Variants in GALNT8 observed in about 807,000 individuals in gnomAD.
The protein encoded by GALNT8 is polypeptide N-acetylgalactosaminyltransferase 8, also known as probable polypeptide N-acetylgalactosaminyltransferase 8.
Under a neutral mutation model 62.7 loss-of-function variants are expected in GALNT8, and 66 were observed. That is an observed-to-expected ratio of 1.05 (90% CI 0.86 to 1.29). The LOEUF (loss-of-function observed/expected upper bound fraction) is 1.29, where lower values mean the gene tolerates loss of function less well. GALNT8 is among the 50% of genes most tolerant of loss of function. GALNT8 has a pLI of 0.00. For synonymous variants in GALNT8, 288 were observed against 294.3 expected (o/e 0.98, Z 0.22); for missense variants, 771 against 791.8 (o/e 0.97, Z 0.32).
intron 2 of GALNT8, among the ~76,000 whole-genome samples, chr12:4,737,143 T>C (rs938692823): frequency 6.6e-6 from 1 of 152,186 alleles, no homozygotes; most frequent in Non-Finnish European, 1.5e-5. Context: ...CACTGTATCC[T>C]AACAACAAGT....
At chr12:4,763,845 C>T (rs1277264226) in intron 8 of GALNT8, 107 bp from the exon 9 acceptor site, 17 of 705,820 alleles carry the variant, frequency 2.4e-5, no homozygotes, top group Admixed American at 1.8e-4. Context: ...TGTGGCTGGT[C>T]GTTCCTGGTG....
Position 4,764,028 on chromosome 12 carries a change from G to A in GALNT8, c.1574G>A (p.Cys525Tyr), listed in dbSNP as rs1946386337. ...VPGNTPIMYY[C>Y]HEFSSQNVYY... ...GGCAACACCCCCATCATGTATTACT[G>A]CCATGAATTCAGCTCACAGGTATCT... is the stretch of plus-strand genomic sequence containing the variant. The change falls in exon 9 of 11, where the codon TGC becomes TAC. Residue 525 changes from cysteine to tyrosine, a missense_variant. Coordinates refer to ENST00000252318, the MANE Select transcript of GALNT8 (RefSeq NM_017417.2). 6.3e-7 allele frequency: 1 copy of A among 1,575,342 alleles called. No individual in the cohort carries two copies. The highest frequency in any genetic ancestry group is 8.7e-7 in the Non-Finnish European group (1 of 1,144,298).
chr12:4,740,835 A>G (rs979844024), intron 3 of GALNT8, among the ~76,000 whole-genome samples: 25 of 152,220 alleles, frequency 1.6e-4, no homozygotes, highest in African/African-American at 6.0e-4. Context: ...CTTGTTCAAC[A>G]TCCTACAGCT....
chr12:4,730,147 C>G (rs533717706), intron 2 of GALNT8, among the ~76,000 whole-genome samples: 83 of 152,028 alleles, frequency 5.5e-4, no homozygotes, highest in African/African-American at 2.0e-3. Context: ...CAAATATTTC[C>G]TCTCATTCTG....
At chr12:4,772,066 G>C (rs1463374918) in intron 10 of GALNT8, among the ~76,000 whole-genome samples, 4 of 152,182 alleles carry the variant, frequency 2.6e-5, no homozygotes, top group Non-Finnish European at 5.9e-5. Flanking sequence ...CAAGGTGAAG[G>C]TGACCCTGAT....
At chr12:4,769,398 T>A (rs1452280050) in intron 10 of GALNT8, among the ~76,000 whole-genome samples, 2 of 152,206 alleles carry the variant, frequency 1.3e-5, no homozygotes, top group Non-Finnish European at 2.9e-5. Context: ...GATTCTTTTT[T>A]AGGACAATAT....
rs1254186671 is a variant in GALNT8 at position 4,726,768 on chromosome 12, A to G, written c.448A>G (p.Asn150Asp). 2 of 1,614,008 alleles carry G rather than the reference A, an allele frequency of 1.2e-6. No individual in the cohort carries two copies. The highest frequency in any genetic ancestry group is 2.2e-5 in the South Asian group (2 of 91,072). Reference protein sequence around the residue: ...AQDLFRKFGYNAYLSNQLPLN... With the variant: ...AQDLFRKFGYDAYLSNQLPLN... ...GGACCTCTTCCGGAAGTTTGGTTAC[A>G]ACGCGTACCTCAGCAACCAGCTGCC... The change falls in exon 2 of 11, where the codon AAC becomes GAC. Residue 150 changes from asparagine (N) to aspartate (D), a missense_variant. Physicochemically the swap from Asn to Asp is conservative, Grantham distance 23 (BLOSUM62 1). Coordinates refer to ENST00000252318, the MANE Select transcript of GALNT8 (RefSeq NM_017417.2). The surrounding 1 kb of genome is among the most constrained non-coding windows in gnomAD (Gnocchi z 4.1).
At chr12:4,768,603 T>C in intron 10 of GALNT8, 1 of 239,670 alleles carries the variant, frequency 4.2e-6, no homozygotes, top group South Asian at 5.2e-5. Context: ...AGGGAAATTC[T>C]GCCAACCATT....
At chr12:4,730,027 T>C (rs1946214682) in intron 2 of GALNT8, among the ~76,000 whole-genome samples, 1 of 152,210 alleles carries the variant, frequency 6.6e-6, no homozygotes, top group Non-Finnish European at 1.5e-5. Flanking sequence ...TAGTCTTCTT[T>C]TGAGAAATGT....
intron 6 of GALNT8, among the ~76,000 whole-genome samples, chr12:4,748,928 T>G (rs2137534416): frequency 6.6e-6 from 1 of 152,186 alleles, no homozygotes; most frequent in Non-Finnish European, 1.5e-5. Flanking sequence ...AGAGATATTT[T>G]TTACTTCTTT....
At chr12:4,736,912 G>T (rs907198114) in intron 2 of GALNT8, among the ~76,000 whole-genome samples, 1 of 152,096 alleles carries the variant, frequency 6.6e-6, no homozygotes, top group Non-Finnish European at 1.5e-5. Flanking sequence ...TGACTTCAAA[G>T]ACATCATTAT....
At chr12:4,733,780 T>A (rs1946231010) in intron 2 of GALNT8, among the ~76,000 whole-genome samples, 1 of 152,206 alleles carries the variant, frequency 6.6e-6, no homozygotes, top group South Asian at 2.1e-4. Flanking sequence ...TTTATCCACT[T>A]ACGAATTCGC....
intron 3 of GALNT8, among the ~76,000 whole-genome samples, chr12:4,741,363 AT>A (rs1437405746): frequency 6.6e-6 from 1 of 152,202 alleles, no homozygotes; most frequent in Non-Finnish European, 1.5e-5. Context: ...ATTTCTGGGC[AT>A]GGAGACTGGT....
chr12:4,739,244 A>T lies in GALNT8; in HGVS notation c.591A>T (p.Ile197=). ...TCGTGAATGAAGCTCTGTCCATTAT[A>T]CAACGGGCCATCACCAGTATCATCA... The part of the protein sequence containing the change: ...LIFVNEALSI[I]QRAITSIINR... The change falls in exon 3 of 11, where the codon ATA becomes ATT. Residue 197 remains isoleucine, a synonymous_variant. Coordinates refer to ENST00000252318, the MANE Select transcript of GALNT8 (RefSeq NM_017417.2). The T allele has an allele frequency of 6.2e-7, 1 of 1,613,176 alleles. No individual in the cohort carries two copies.
intron 9 of GALNT8, among the ~76,000 whole-genome samples, chr12:4,765,004 C>T (rs1182426443): frequency 1.3e-5 from 2 of 152,094 alleles, no homozygotes; most frequent in Admixed American, 1.3e-4. Flanking sequence ...CTTGTCCAAG[C>T]TCACTGAGCA....
chr12:4,747,981 T>C (rs988771239), intron 6 of GALNT8, among the ~76,000 whole-genome samples: 8 of 151,936 alleles, frequency 5.3e-5, no homozygotes, highest in African/African-American at 1.9e-4. Context: ...TGATGTTGAG[T>C]ATCTTTTCAC....
intron 6 of GALNT8, among the ~76,000 whole-genome samples, chr12:4,758,194 C>T (rs1032162497): frequency 3.3e-5 from 5 of 151,956 alleles, no homozygotes; most frequent in African/African-American, 1.2e-4. Context: ...TTGTGTGAGA[C>T]TATTTGCCTT....
At chr12:4,744,871 A>C (rs1047705828) in intron 4 of GALNT8, among the ~76,000 whole-genome samples, 171 bp downstream of exon 4, 1 of 152,188 alleles carries the variant, frequency 6.6e-6, no homozygotes, top group African/African-American at 2.4e-5. Flanking sequence ...TGGCTAAGAG[A>C]AGTAGCATGG....
intron 6 of GALNT8, among the ~76,000 whole-genome samples, chr12:4,752,346 G>A (rs569552142): frequency 1.3e-5 from 2 of 151,664 alleles, no homozygotes; most frequent in East Asian, 3.9e-4. Flanking sequence ...TCTCTTTCCT[G>A]TCTTCCTCTA....
Sources: gnomAD v4.1 joint callset for allele counts (sites outside exome capture counted in the v4.1 genomes callset) on GRCh38, gnomAD v4.1.1 for gene constraint, Gnocchi (gnomAD v3.1) non-coding constraint, MANE v1.5 for transcripts, NCBI Gene and HGNC (gene_info 2026-07-23, HGNC 2026-07-21) for gene names.